SIPA1L2: variants seen among roughly 807,000 people sequenced by gnomAD.
The protein encoded by SIPA1L2 is signal-induced proliferation-associated 1-like protein 2.
A neutral mutation model predicts 163.9 loss-of-function variants in SIPA1L2; 56 were observed. The ratio of observed to expected loss-of-function variants is 0.34; its 90% CI spans 0.28 to 0.43. SIPA1L2 has a LOEUF of 0.43. Ranked by LOEUF, SIPA1L2 falls within the 20% of genes least tolerant of loss-of-function variation. The pLI, the probability that SIPA1L2 is intolerant of heterozygous loss-of-function variation, is 1.00. For missense variants in SIPA1L2, 1,974 were observed against 2,193.5 expected (o/e 0.90, Z 2.00); for synonymous variants, 877 against 865.7 (o/e 1.01, Z -0.23).
chr1:232,528,088 A>ATG (rs1667801620), intron 2 of SIPA1L2, among the ~76,000 whole-genome samples: 1 of 125,650 alleles, frequency 8.0e-6, no homozygotes, highest in Non-Finnish European at 1.7e-5. Flanking sequence ...TTATATATAT[A>ATG]TATATATATA....
chr1:232,608,046 T>A (rs1662037310), intron 1 of SIPA1L2, among the ~76,000 whole-genome samples: 1 of 32,862 alleles, frequency 3.0e-5, no homozygotes, highest in African/African-American at 2.2e-4. Flanking sequence ...AAACTCCATC[T>A]CAAAAAAAAA....
intron 9 of SIPA1L2, among the ~76,000 whole-genome samples, chr1:232,463,065 G>A (rs1664323681): frequency 1.3e-5 from 2 of 152,172 alleles, no homozygotes; most frequent in South Asian, 2.1e-4. Context: ...ATCAAAATGC[G>A]AGGCTCCTTA....
chr1:232,536,456 A>G (rs1558252388), intron 2 of SIPA1L2, among the ~76,000 whole-genome samples: 1 of 152,180 alleles, frequency 6.6e-6, no homozygotes, highest in Non-Finnish European at 1.5e-5. Flanking sequence ...GGCCTCTTGA[A>G]TCATTGCTTA....
intron 18 of SIPA1L2, among the ~76,000 whole-genome samples, chr1:232,422,047 A>G (rs185523521): frequency 3.9e-5 from 6 of 152,284 alleles, no homozygotes; most frequent in Admixed American, 3.3e-4. Flanking sequence ...GGAAAATATG[A>G]CTGCTTTTCA....
At chr1:232,417,987 C>T (rs1283727308) in intron 18 of SIPA1L2, among the ~76,000 whole-genome samples, 2 of 152,158 alleles carry the variant, frequency 1.3e-5, no homozygotes, top group Non-Finnish European at 2.9e-5. Flanking sequence ...GAATTCTATT[C>T]AGATACACGG....
intron 2 of SIPA1L2, among the ~76,000 whole-genome samples, chr1:232,542,916 C>T (rs1332191540): frequency 6.6e-6 from 1 of 152,192 alleles, no homozygotes; most frequent in Non-Finnish European, 1.5e-5. Context: ...TTTGTTTGTA[C>T]ACACTGGTAT....
intron 3 of SIPA1L2, among the ~76,000 whole-genome samples, chr1:232,511,169 T>C (rs953434800): frequency 6.6e-6 from 1 of 152,148 alleles, no homozygotes; most frequent in Admixed American, 6.5e-5. Flanking sequence ...GGTTATGAGT[T>C]ATTTTCACAG....
chr1:232,547,152 T>C (rs1658077486), intron 2 of SIPA1L2, among the ~76,000 whole-genome samples: 1 of 152,212 alleles, frequency 6.6e-6, no homozygotes, highest in Non-Finnish European at 1.5e-5. Context: ...GGCTATGCTT[T>C]AGACAGTATG....
At chr1:232,476,126 A>G (rs1207174715) in intron 7 of SIPA1L2, among the ~76,000 whole-genome samples, 1 of 152,202 alleles carries the variant, frequency 6.6e-6, no homozygotes, top group Non-Finnish European at 1.5e-5. Context: ...AGCAACACCA[A>G]CTAGGGACTT....
intron 21 of SIPA1L2, chr1:232,402,813 TAAC>T (rs1338010420): frequency 1.6e-5 from 3 of 190,318 alleles, no homozygotes; most frequent in East Asian, 1.4e-4. Flanking sequence ...TTCCCTATGA[TAAC>T]AATATTATGA....
intron 17 of SIPA1L2, 60 bp downstream of exon 17, chr1:232,428,350 CT>C (rs34949132): frequency 0.22 from 185,026 of 832,224 alleles, 1,785 homozygotes; most frequent in East Asian, 0.32. Context: ...TTTCTTTAGA[CT>C]TTTTTTTTTT....
At chr1:232,586,274 C>A (rs1389664143) in intron 1 of SIPA1L2, among the ~76,000 whole-genome samples, 1 of 152,170 alleles carries the variant, frequency 6.6e-6, no homozygotes, top group Non-Finnish European at 1.5e-5. Context: ...AAAAGACATT[C>A]ATAAATTGAA....
intron 7 of SIPA1L2, among the ~76,000 whole-genome samples, chr1:232,478,857 T>G (rs1406970758): frequency 2.0e-5 from 3 of 152,238 alleles, no homozygotes; most frequent in Admixed American, 6.5e-5. Context: ...GCCCAGAAGA[T>G]TCTAAACAAG....
intron 10 of SIPA1L2, among the ~76,000 whole-genome samples, chr1:232,447,827 G>A (rs1006954327): frequency 6.6e-6 from 1 of 152,194 alleles, no homozygotes; most frequent in Non-Finnish European, 1.5e-5. Flanking sequence ...TTGAACATGG[G>A]TGATAAATAA....
At chr1:232,624,940 C>T (rs1458821299) in intron 1 of SIPA1L2, among the ~76,000 whole-genome samples, 2 of 152,202 alleles carry the variant, frequency 1.3e-5, no homozygotes, top group Non-Finnish European at 2.9e-5. Context: ...CCTAGAAGCA[C>T]TGCAGTTCCT....
chr1:232,537,479 T>G (rs1035688511), intron 2 of SIPA1L2, among the ~76,000 whole-genome samples: 1 of 151,606 alleles, frequency 6.6e-6, no homozygotes, highest in Non-Finnish European at 1.5e-5. Flanking sequence ...TATACTAAAA[T>G]TCAAAAGATA....
At chr1:232,548,680 C>A (rs145028840) in intron 2 of SIPA1L2, among the ~76,000 whole-genome samples, 2 of 152,300 alleles carry the variant, frequency 1.3e-5, no homozygotes, top group Non-Finnish European at 2.9e-5. Context: ...AAAAGAGGGA[C>A]ACGGCAAGGC....
chr1:232,461,624 T>G (rs2102920212), intron 9 of SIPA1L2, among the ~76,000 whole-genome samples: 1 of 152,282 alleles, frequency 6.6e-6, no homozygotes, highest in East Asian at 1.9e-4. Context: ...ATTACAAGTT[T>G]CAACCAGCAA....
chr1:232,423,425 G>A (rs1266687266), intron 18 of SIPA1L2, among the ~76,000 whole-genome samples: 1 of 152,092 alleles, frequency 6.6e-6, no homozygotes, highest in African/African-American at 2.4e-5. Context: ...ACAGGAGGTT[G>A]GAAATCAGAA....
Sources: allele counts gnomAD v4.1 joint callset (sites outside exome capture counted in the v4.1 genomes callset), GRCh38; gene constraint gnomAD v4.1.1; transcripts MANE v1.5; gene names NCBI Gene and HGNC (gene_info 2026-07-23, HGNC 2026-07-21).